Variants in SEMA5A observed in about 807,000 individuals in gnomAD.
SEMA5A encodes the protein semaphorin 5A.
Under a neutral mutation model 135.5 loss-of-function variants are expected in SEMA5A, and 55 were observed. The observed-to-expected ratio is 0.41, with a 90% CI of 0.33 to 0.51. The LOEUF (loss-of-function observed/expected upper bound fraction) is 0.51. Among genes scored for constraint, SEMA5A ranks in the 20% least tolerant of loss-of-function variants. The pLI is 0.37. For missense variants in SEMA5A, 1,290 were observed against 1,419.9 expected (o/e 0.91, Z 1.47); for synonymous variants, 580 against 546.5 (o/e 1.06, Z -0.85).
chr5:9,123,799 T>G (rs1481170874), intron 13 of SEMA5A, among the ~76,000 whole-genome samples: 2 of 152,196 alleles, frequency 1.3e-5, no homozygotes, highest in Non-Finnish European at 1.5e-5. Flanking sequence ...ACCTGTTTTC[T>G]GATCAACTTC....
At chr5:9,540,413 C>A (rs1351496859) in intron 1 of SEMA5A, among the ~76,000 whole-genome samples, 1 of 144,258 alleles carries the variant, frequency 6.9e-6, no homozygotes, top group East Asian at 2.0e-4. Context: ...CATGGTGAAA[C>A]CCCGTCTCTA....
chr5:9,052,036 G>A lies in SEMA5A; in HGVS notation c.2690-8C>T, dbSNP rs1441485826. Reference sequence around the variant, plus strand: ...ACCACTCCGACCAGCTCTCTGCAGAGACCAGAAAAGGGGAGATGGGGCGGA... The same window carrying A: ...ACCACTCCGACCAGCTCTCTGCAGAAACCAGAAAAGGGGAGATGGGGCGGA... On this transcript the variant is annotated splice_polypyrimidine_tract_variant and splice_region_variant and intron_variant, in intron 19 of 22. Coordinates refer to ENST00000382496, the MANE Select transcript of SEMA5A (RefSeq NM_003966.3). The A allele has an allele frequency of 6.3e-7, 1 of 1,578,894 alleles. No homozygotes were observed. The highest frequency in any genetic ancestry group is 8.6e-7 in the Non-Finnish European group (1 of 1,160,896).
chr5:9,542,251 A>G (rs555776485), intron 1 of SEMA5A, among the ~76,000 whole-genome samples: 1 of 152,348 alleles, frequency 6.6e-6, no homozygotes, highest in African/African-American at 2.4e-5. Flanking sequence ...CTATACAGGA[A>G]TTGGAAACAG....
chr5:9,418,430 C>T (rs188384083), intron 2 of SEMA5A, among the ~76,000 whole-genome samples: 1 of 152,334 alleles, frequency 6.6e-6, no homozygotes, highest in Non-Finnish European at 1.5e-5. Context: ...CAGTCCATAA[C>T]ACTTCCTATA....
chr5:9,230,609 G>T (rs765561741), intron 6 of SEMA5A, among the ~76,000 whole-genome samples: 1 of 152,158 alleles, frequency 6.6e-6, no homozygotes, highest in African/African-American at 2.4e-5. Flanking sequence ...TTCGCAGAAC[G>T]GAGTGAGTGT....
At chr5:9,064,456 T>C (rs76950052) in intron 17 of SEMA5A, among the ~76,000 whole-genome samples, 3 of 152,202 alleles carry the variant, frequency 2.0e-5, no homozygotes, top group Admixed American at 6.5e-5. Flanking sequence ...TGGAATACTA[T>C]GCAGTCATAA....
intron 1 of SEMA5A, among the ~76,000 whole-genome samples, chr5:9,493,334 G>A (rs534231273): frequency 5.2e-4 from 78 of 150,968 alleles, no homozygotes; most frequent in African/African-American, 1.8e-3. Flanking sequence ...TAAGCATACT[G>A]TCATCTCATA....
At position 9,105,936 on chromosome 5, in the gene SEMA5A, T is replaced by C. The variant is rs570202645; in HGVS notation, c.2073+2204A>G. 1.6e-4 allele frequency among the ~76,000 whole-genome samples: 25 copies of C among 152,354 alleles called. 1 individual carries two copies. Among genetic ancestry groups the C allele is most frequent in the Middle Eastern group, 3.4e-3 (1 of 294 alleles). ...AACTTCTTAGGAATTCAACTGATAG[T>C]ATAGATCTTCCAAACAATCCAAAGA... On this transcript the variant is annotated intron_variant, in intron 16 of 22. Transcript: ENST00000382496.
At chr5:9,292,120 G>A (rs1177610282) in intron 5 of SEMA5A, among the ~76,000 whole-genome samples, 1 of 148,482 alleles carries the variant, frequency 6.7e-6, no homozygotes, top group Non-Finnish European at 1.5e-5. Context: ...TTTAGAAGAT[G>A]TCAAACATGG....
At chr5:9,117,687 A>T (rs1740594550) in intron 15 of SEMA5A, among the ~76,000 whole-genome samples, 1 of 152,220 alleles carries the variant, frequency 6.6e-6, no homozygotes, top group South Asian at 2.1e-4. Context: ...ATTTTGAAGC[A>T]TATTGGGTTT....
intron 1 of SEMA5A, among the ~76,000 whole-genome samples, chr5:9,474,167 C>G (rs895569891): frequency 6.6e-6 from 1 of 152,110 alleles, no homozygotes; most frequent in Non-Finnish European, 1.5e-5. Context: ...GTGAAGAATT[C>G]CGTCCGTCAG....
Position 9,437,261 on chromosome 5 carries a change from C to T in SEMA5A, c.-78+495G>A, listed in dbSNP as rs183899658. 4.6e-5 allele frequency among the ~76,000 whole-genome samples: 7 copies of T among 152,266 alleles called. No homozygotes were observed. In the East Asian group the frequency reaches 7.7e-4, roughly 17 times the overall value. On this transcript the variant is annotated intron_variant, in intron 2 of 22. Transcript: ENST00000382496. ...GTCTTCGGGTTCCTGAGTGATGTAG[C>T]GGTGGTATATGCCCACAATTGTTTT...
chr5:9,075,375 A>C (rs1189972845), intron 16 of SEMA5A, among the ~76,000 whole-genome samples: 4 of 151,640 alleles, frequency 2.6e-5, no homozygotes, highest in Non-Finnish European at 4.4e-5. Context: ...CTTGTACCTG[A>C]ATGTTCACAA....
chr5:9,541,638 A>G (rs1738097287), intron 1 of SEMA5A, among the ~76,000 whole-genome samples: 1 of 152,246 alleles, frequency 6.6e-6, no homozygotes. Flanking sequence ...AATGTAGGAA[A>G]GGGAAATAAA....
At chr5:9,278,819 G>C (rs563692077) in intron 5 of SEMA5A, among the ~76,000 whole-genome samples, 16 of 152,368 alleles carry the variant, frequency 1.1e-4, no homozygotes, top group African/African-American at 3.4e-4. Flanking sequence ...CAGAAGGTGA[G>C]AGTTGAGGTT....
intron 5 of SEMA5A, among the ~76,000 whole-genome samples, chr5:9,312,825 C>T (rs1021358661): frequency 6.6e-6 from 1 of 152,176 alleles, no homozygotes; most frequent in African/African-American, 2.4e-5. Flanking sequence ...ATTTATCAGG[C>T]AACCTGTCTT....
At chr5:9,349,020 T>C (rs1252362507) in intron 3 of SEMA5A, among the ~76,000 whole-genome samples, 1 of 152,242 alleles carries the variant, frequency 6.6e-6, no homozygotes, top group Non-Finnish European at 1.5e-5. Flanking sequence ...GCCTCCTCAC[T>C]ATAGGAAAAT....
At chr5:9,505,549 C>G (rs1053394231) in intron 1 of SEMA5A, among the ~76,000 whole-genome samples, 2 of 152,178 alleles carry the variant, frequency 1.3e-5, no homozygotes, top group South Asian at 2.1e-4. Flanking sequence ...TCAAACCAGA[C>G]TGGTTCATTT....
intron 1 of SEMA5A, among the ~76,000 whole-genome samples, chr5:9,452,854 G>A (rs1172701803): frequency 1.3e-5 from 2 of 152,256 alleles, no homozygotes; most frequent in African/African-American, 4.8e-5. Flanking sequence ...CAGGAGGGCA[G>A]GCAAAAAGCT....
Sources: allele counts gnomAD v4.1 joint callset (sites outside exome capture counted in the v4.1 genomes callset), GRCh38; gene constraint gnomAD v4.1.1; transcripts MANE v1.5; gene names NCBI Gene and HGNC (gene_info 2026-07-23, HGNC 2026-07-21).